The following PRKN variants were observed in gnomAD, a reference collection of about 807,000 sequenced individuals.
PRKN encodes the protein E3 ubiquitin-protein ligase parkin.
Under a neutral mutation model 59.5 loss-of-function variants are expected in PRKN, and 56 were observed. The observed-to-expected ratio is 0.94, with a 90% CI of 0.76 to 1.18. The LOEUF (loss-of-function observed/expected upper bound fraction) is 1.18, where lower values mean the gene tolerates loss of function less well. PRKN is among the 50% of genes most tolerant of loss of function. The pLI is 0.00. For synonymous variants in PRKN, 250 were observed against 222.1 expected (o/e 1.13, Z -1.12); for missense variants, 657 against 596.4 (o/e 1.10, Z -1.06).
chr6:162,585,465 C>T (rs2128212708), intron 1 of PRKN, among the ~76,000 whole-genome samples: 1 of 152,212 alleles, frequency 6.6e-6, no homozygotes, highest in Admixed American at 6.5e-5. Flanking sequence ...TCATTTATTC[C>T]ATAGATATTT....
intron 2 of PRKN, among the ~76,000 whole-genome samples, chr6:162,356,070 C>G (rs1271201182): frequency 1.3e-5 from 2 of 152,062 alleles, no homozygotes; most frequent in Non-Finnish European, 2.9e-5. Context: ...GCACTGTGGG[C>G]ACTTTACACC....
At chr6:162,020,332 C>CAAAAAAAAAAAAAAAAAAAAAA (rs771141235) in intron 5 of PRKN, among the ~76,000 whole-genome samples, 32 of 45,510 alleles carry the variant, frequency 7.0e-4, no homozygotes, top group Admixed American at 8.5e-4. Flanking sequence ...ACCAATGAAT[C>CAAAAAAAAAAAAAAAAAAAAAA]AAAAAAAAAA....
At chr6:162,490,187 T>C (rs1265064350) in intron 1 of PRKN, among the ~76,000 whole-genome samples, 1 of 152,124 alleles carries the variant, frequency 6.6e-6, no homozygotes, top group African/African-American at 2.4e-5. Flanking sequence ...CCTTATTACT[T>C]TCTGGGTTAT....
chr6:162,529,954 A>AC (rs1372258435), intron 1 of PRKN, among the ~76,000 whole-genome samples: 4 of 151,764 alleles, frequency 2.6e-5, no homozygotes, highest in African/African-American at 9.7e-5. Context: ...ACATGGAGAA[A>AC]CCCCCGTCTC....
intron 2 of PRKN, among the ~76,000 whole-genome samples, chr6:162,339,082 G>T (rs1367474695): frequency 1.3e-5 from 2 of 148,664 alleles, no homozygotes; most frequent in South Asian, 4.2e-4. Context: ...GAAGTGAGGA[G>T]CCCCTCCGAC....
At chr6:161,537,717 C>T (rs1464637254) in intron 9 of PRKN, among the ~76,000 whole-genome samples, 1 of 152,198 alleles carries the variant, frequency 6.6e-6, no homozygotes, top group Non-Finnish European at 1.5e-5. Flanking sequence ...TCCCAAAGTG[C>T]TGGGATTACA....
At chr6:161,644,002 G>A (rs1034655480) in intron 7 of PRKN, among the ~76,000 whole-genome samples, 1 of 151,896 alleles carries the variant, frequency 6.6e-6, no homozygotes. Context: ...AATGCCAGAG[G>A]AGCAAGTAAA....
At chr6:161,492,645 C>T (rs935782738) in intron 9 of PRKN, among the ~76,000 whole-genome samples, 13 of 152,168 alleles carry the variant, frequency 8.5e-5, no homozygotes, top group Admixed American at 3.9e-4. Flanking sequence ...TTTGAAAATA[C>T]GGTGGGTGAA....
chr6:162,467,622 C>A (rs1431492059), intron 1 of PRKN, among the ~76,000 whole-genome samples: 1 of 152,122 alleles, frequency 6.6e-6, no homozygotes, highest in Non-Finnish European at 1.5e-5. Flanking sequence ...CAGAGCAATA[C>A]TCTCAGAACA....
intron 4 of PRKN, among the ~76,000 whole-genome samples, chr6:162,193,563 G>C (rs1784377563): frequency 6.6e-6 from 1 of 152,156 alleles, no homozygotes; most frequent in Non-Finnish European, 1.5e-5. Context: ...AGGAGTCTTT[G>C]AGAGCCATTC....
At position 161,529,334 on chromosome 6, in the gene PRKN, G is replaced by A. The variant is rs1012473505; in HGVS notation, c.1083+19520C>T. ...CCCTCCAGCTGCCTCACCTGGGGCCGCAGTAAGCACCAAGTTCACAGGCTT... is the reference window on the plus strand; with the variant it reads ...CCCTCCAGCTGCCTCACCTGGGGCCACAGTAAGCACCAAGTTCACAGGCTT... On this transcript the variant is annotated intron_variant, in intron 9 of 11. Coordinates refer to ENST00000366898, the MANE Select transcript of PRKN (RefSeq NM_004562.3). The surrounding 1 kb of genome is among the most constrained non-coding windows in gnomAD (Gnocchi z 4.4). 6.6e-6 allele frequency among the ~76,000 whole-genome samples: 1 copy of A among 152,156 alleles called. No individual in the cohort carries two copies. The highest frequency in any genetic ancestry group is 1.5e-5 in the Non-Finnish European group (1 of 68,030).
At chr6:162,668,739 T>C (rs1368255479) in intron 1 of PRKN, among the ~76,000 whole-genome samples, 1 of 152,116 alleles carries the variant, frequency 6.6e-6, no homozygotes, top group African/African-American at 2.4e-5. Context: ...GTGGCCTCGA[T>C]GAGTGGGTGT....
chr6:162,674,433 A>C (rs1313101431), intron 1 of PRKN, among the ~76,000 whole-genome samples: 1 of 152,192 alleles, frequency 6.6e-6, no homozygotes, highest in Non-Finnish European at 1.5e-5. Context: ...AGGACATGAA[A>C]GAGGAGTCAG....
chr6:161,634,457 T>C (rs916044581), intron 7 of PRKN, among the ~76,000 whole-genome samples: 3 of 152,194 alleles, frequency 2.0e-5, no homozygotes, highest in African/African-American at 7.2e-5. Context: ...GACAAGAAAG[T>C]GTGTTCTTAG....
chr6:161,643,552 A>G (rs889860278), intron 7 of PRKN, among the ~76,000 whole-genome samples: 1 of 152,260 alleles, frequency 6.6e-6, no homozygotes, highest in Non-Finnish European at 1.5e-5. Flanking sequence ...ATTCATTTAA[A>G]CATAGGCCAG....
intron 6 of PRKN, among the ~76,000 whole-genome samples, chr6:161,799,432 C>A (rs1233397136): frequency 2.0e-5 from 3 of 152,194 alleles, no homozygotes; most frequent in Non-Finnish European, 2.9e-5. Context: ...CTGTCAAAAG[C>A]TGAAAACACC....
chr6:161,864,076 A>T (rs1794013930), intron 6 of PRKN, among the ~76,000 whole-genome samples: 1 of 152,166 alleles, frequency 6.6e-6, no homozygotes, highest in African/African-American at 2.4e-5. Context: ...GATTGGGGTG[A>T]CTATAGTGGT....
rs745581743 is a variant in PRKN at position 161,468,619 on chromosome 6, T to C, written c.1083+80235A>G. On this transcript the variant is annotated intron_variant, in intron 9 of 11. Transcript: ENST00000366898. The surrounding 1 kb of genome is among the most constrained non-coding windows in gnomAD (Gnocchi z 5.9). ...TACTCATATTTCAGGAAGGCTCAGA[T>C]TTAAGTGAAGGTGTCACCACAGTCT... Among the ~76,000 whole-genome samples the C allele has an allele frequency of 1.8e-4, 27 of 152,348 alleles. No homozygotes were observed. Among genetic ancestry groups the C allele is most frequent in the Admixed American group, 1.8e-3 (27 of 15,308 alleles).
At chr6:162,323,420 TA>T (rs35144813) in intron 2 of PRKN, among the ~76,000 whole-genome samples, 67,677 of 149,958 alleles carry the variant, frequency 0.45, 16,151 homozygotes, top group Non-Finnish European at 0.54. Flanking sequence ...ACTGTCAAAA[TA>T]AAAAAAATTA....
Sources: gnomAD v4.1 joint callset for allele counts (sites outside exome capture counted in the v4.1 genomes callset) on GRCh38, gnomAD v4.1.1 for gene constraint, Gnocchi (gnomAD v3.1) non-coding constraint, MANE v1.5 for transcripts, NCBI Gene and HGNC (gene_info 2026-07-23, HGNC 2026-07-21) for gene names.